Variants in SULT1B1 observed in about 807,000 individuals in gnomAD.
The protein encoded by SULT1B1 is sulfotransferase 1B1.
SULT1B1 carries 28 observed loss-of-function variants against 34.6 expected under a neutral mutation model. The ratio of observed to expected loss-of-function variants is 0.81; its 90% confidence interval spans 0.60 to 1.11. The LOEUF is 1.11. Among genes scored for constraint, SULT1B1 ranks in the 50% least tolerant of loss-of-function variants. SULT1B1 has a pLI of 0.00. For missense variants in SULT1B1, 374 were observed against 352.2 expected (o/e 1.06, Z -0.50); for synonymous variants, 147 against 110.2 (o/e 1.33, Z -2.09).
intron 4 of SULT1B1, among the ~76,000 whole-genome samples, chr4:69,748,199 A>G (rs1237807838): frequency 6.6e-6 from 1 of 152,200 alleles, no homozygotes; most frequent in African/African-American, 2.4e-5. Flanking sequence ...AATATATGTA[A>G]TGCAAACATT....
intron 4 of SULT1B1, among the ~76,000 whole-genome samples, chr4:69,748,335 A>T (rs1429543297): frequency 6.6e-6 from 1 of 152,234 alleles, no homozygotes; most frequent in Non-Finnish European, 1.5e-5. Context: ...AGCAATTCTG[A>T]ATTCCAAACA....
intron 3 of SULT1B1, among the ~76,000 whole-genome samples, chr4:69,753,477 G>A (rs1005980116): frequency 6.6e-6 from 1 of 152,128 alleles, no homozygotes; most frequent in Non-Finnish European, 1.5e-5. Flanking sequence ...GGAATAAAAT[G>A]AGAAAATGTT....
At chr4:69,748,221 A>T (rs944766503) in intron 4 of SULT1B1, among the ~76,000 whole-genome samples, 1 of 152,180 alleles carries the variant, frequency 6.6e-6, no homozygotes, top group African/African-American at 2.4e-5. Flanking sequence ...ATCAGTAAAA[A>T]CTAGGAGTGG....
At position 69,731,269 on chromosome 4, in the gene SULT1B1, C is replaced by A. The variant is rs146267671; in HGVS notation, c.598-588G>T. On this transcript the variant is annotated intron_variant, in intron 6 of 7. Transcript: ENST00000310613. ...CATTAGATTCTCATAGGAGCATGAA[C>A]CTTATTGTGAATTGAGTATGTGAGG... Among the ~76,000 whole-genome samples the A allele has an allele frequency of 1.3e-3, 193 of 152,228 alleles. 1 individual carries two copies. The highest frequency in any genetic ancestry group is 4.2e-3 in the African/African-American group (173 of 41,550).
chr4:69,727,001 T>C lies in SULT1B1; in HGVS notation c.*87A>G, dbSNP rs549396430. 3 of 876,100 alleles carry C rather than the reference T, an allele frequency of 3.4e-6. No individual in the cohort carries two copies. Among genetic ancestry groups the C allele is most frequent in the South Asian group, 2.1e-5 (1 of 47,776 alleles). The allele number at this position is 876,100 out of a possible 1,614,324, so 54.3% of individuals were successfully genotyped here. A position where few individuals can be genotyped will look rare whatever the true frequency, so the allele number is the denominator to read the frequency against. ...ATATTATTCTCCTTTATAAATTCAT[T>C]TGATTGCCCAAATCAATTCATAACT... On this transcript the variant is annotated 3_prime_UTR_variant, in exon 8 of 8. Coordinates refer to ENST00000310613, the MANE Select transcript of SULT1B1 (RefSeq NM_014465.4).
intron 4 of SULT1B1, among the ~76,000 whole-genome samples, chr4:69,748,401 A>G (rs1718838490): frequency 6.6e-6 from 1 of 152,256 alleles, no homozygotes; most frequent in South Asian, 2.1e-4. Flanking sequence ...CTGAAGTAAG[A>G]ATAGACACAT....
At chr4:69,749,841 G>A (rs779194671) in intron 3 of SULT1B1, 23 bp from the exon 4 acceptor site, 1 of 1,573,184 alleles carries the variant, frequency 6.4e-7, no homozygotes, top group Non-Finnish European at 8.7e-7. Flanking sequence ...GTTAAGTATA[G>A]GGAAATATTA....
intron 3 of SULT1B1, 32 bp from the exon 4 acceptor site, chr4:69,749,850 T>C (rs751528114): frequency 6.5e-7 from 1 of 1,532,480 alleles, no homozygotes; most frequent in Non-Finnish European, 9.0e-7. Context: ...AGGGAAATAT[T>C]AGAGTCTCCA....
In SULT1B1 at chr4:69,749,732, T is replaced by C. The variant is rs760124331; in HGVS notation, c.364A>G (p.Asn122Asp). The change falls in exon 4 of 8, where the codon AAC (asparagine) becomes GAC (aspartate). Residue 122 changes from asparagine (N) to aspartate (D), a missense_variant. Asn to Asp is a conservative substitution (Grantham distance 23). Coordinates refer to ENST00000310613, the MANE Select transcript of SULT1B1 (RefSeq NM_014465.4). Reference sequence around the variant, plus strand: ...AGTCTGGAGTATACCTTGCAATTGTTTTCCCAGAAAGATTTAGGAAGAAGA... The same window carrying C: ...AGTCTGGAGTATACCTTGCAATTGTCTTCCCAGAAAGATTTAGGAAGAAGA... ...TDLLPKSFWE[N>D]NCKMIYLARN... The C allele has an allele frequency of 6.2e-7, 1 of 1,613,336 alleles. No homozygotes were observed. Among genetic ancestry groups the C allele is most frequent in the Non-Finnish European group, 8.5e-7 (1 of 1,179,380 alleles).
At chr4:69,738,298 A>G (rs1266902162) in intron 4 of SULT1B1, among the ~76,000 whole-genome samples, 3 of 152,188 alleles carry the variant, frequency 2.0e-5, no homozygotes, top group Non-Finnish European at 4.4e-5. Context: ...TCACTCTGCT[A>G]TAAAGAACTG....
chr4:69,728,944 A>G lies in SULT1B1; in HGVS notation c.778+1557T>C, dbSNP rs142555802. Among the ~76,000 whole-genome samples, 945 of 152,162 alleles carry G rather than the reference A, an allele frequency of 6.2e-3. 19 individuals are homozygous for G. The highest frequency in any genetic ancestry group is 0.022 in the African/African-American group (901 of 41,556). ...TCTTAACCCCCTAGAGAGGGGATAT[A>G]AAGACTACCTTCAATATTAGAACAG... On this transcript the variant is annotated intron_variant, in intron 7 of 7. Coordinates refer to ENST00000310613, the MANE Select transcript of SULT1B1 (RefSeq NM_014465.4).
chr4:69,739,431 G>A (rs949651619), intron 4 of SULT1B1, among the ~76,000 whole-genome samples: 11 of 152,190 alleles, frequency 7.2e-5, no homozygotes, highest in Non-Finnish European at 1.3e-4. Context: ...CAAAGCTTGG[G>A]GCTTGCACCC....
intron 7 of SULT1B1, among the ~76,000 whole-genome samples, chr4:69,729,023 C>G (rs569222198): frequency 6.6e-6 from 1 of 152,084 alleles, no homozygotes; most frequent in African/African-American, 2.4e-5. Context: ...AGATATTGAG[C>G]TTGTCTTCTT....
At chr4:69,754,958 G>T in intron 2 of SULT1B1, 112 bp downstream of exon 2, 1 of 1,244,158 alleles carries the variant, frequency 8.0e-7, no homozygotes, top group Non-Finnish European at 1.1e-6. Context: ...ATAGATGGCT[G>T]CACAAAATGA....
chr4:69,723,758 G>A lies in SULT1B1; in HGVS notation c.*3330C>T, dbSNP rs1471593877. The A allele has an allele frequency of 6.6e-6, 1 of 152,098 alleles. No individual in the cohort carries two copies. The highest frequency in any genetic ancestry group is 6.5e-5 in the Admixed American group (1 of 15,272). 9.4% of individuals were successfully genotyped at this position (152,098 alleles called of 1,614,324 possible). A position where few individuals can be genotyped will look rare whatever the true frequency, so the allele number is the denominator to read the frequency against. On this transcript the variant is annotated 3_prime_UTR_variant, in exon 8 of 8. Transcript: ENST00000310613. ...ATAAATGTAATCCAGCATATAAACA[G>A]AACCAAAGACAAAAACCACATGATT...
chr4:69,756,995 A>T (rs1719218174), intron 1 of SULT1B1, among the ~76,000 whole-genome samples: 1 of 151,834 alleles, frequency 6.6e-6, no homozygotes, highest in African/African-American at 2.4e-5. Flanking sequence ...ACACACACAC[A>T]CACAAAGTAA....
intron 7 of SULT1B1, among the ~76,000 whole-genome samples, chr4:69,729,835 A>C (rs1717995984): frequency 6.6e-6 from 1 of 152,162 alleles, no homozygotes; most frequent in Non-Finnish European, 1.5e-5. Flanking sequence ...AAAGTTATTT[A>C]AGTTAGTAAT....
chr4:69,738,352 C>T (rs1320719641), intron 4 of SULT1B1, among the ~76,000 whole-genome samples: 1 of 152,172 alleles, frequency 6.6e-6, no homozygotes, highest in Non-Finnish European at 1.5e-5. Flanking sequence ...TTAACTGACT[C>T]ACAGTTCTGC....
At chr4:69,759,975 AAAC>A (rs1444853625) in intron 1 of SULT1B1, among the ~76,000 whole-genome samples, 23 of 152,234 alleles carry the variant, frequency 1.5e-4, no homozygotes, top group African/African-American at 5.3e-4. Flanking sequence ...CAATTAGAAA[AAAC>A]AATTTCTTTC....
Sources: gnomAD v4.1 joint callset for allele counts (sites outside exome capture counted in the v4.1 genomes callset) on GRCh38, gnomAD v4.1.1 for gene constraint, MANE v1.5 for transcripts, NCBI Gene and HGNC (gene_info 2026-07-23, HGNC 2026-07-21) for gene names.